KIAA0753: variants seen among roughly 807,000 people sequenced by gnomAD.
The protein encoded by KIAA0753 is KIAA0753.
A neutral mutation model predicts 116.9 loss-of-function variants in KIAA0753; 114 were observed. The ratio of observed to expected loss-of-function variants is 0.98; its 90% confidence interval spans 0.84 to 1.14. The LOEUF (loss-of-function observed/expected upper bound fraction) is 1.14. Ranked by LOEUF, KIAA0753 falls within the 50% of genes most tolerant of loss-of-function variation. The probability of loss-of-function intolerance (pLI) is 0.00; values close to 1 mark genes in which losing one functional copy is unlikely to be tolerated. For synonymous variants in KIAA0753, 405 were observed against 413.1 expected (o/e 0.98, Z 0.24); for missense variants, 1,156 against 1,172.4 (o/e 0.99, Z 0.20).
At chr17:6,593,855 A>C (rs942204916) in intron 16 of KIAA0753, among the ~76,000 whole-genome samples, 5 of 152,236 alleles carry the variant, frequency 3.3e-5, no homozygotes, top group Non-Finnish European at 5.9e-5. Flanking sequence ...ACTGCACTCC[A>C]GCCTGGGGAA....
In KIAA0753 at chr17:6,628,207, T is replaced by C. The variant is rs1971796740; in HGVS notation, c.628A>G (p.Ile210Val). Residue 210 changes from isoleucine (I) to valine (V), a missense_variant, in exon 3 of 19, where the codon ATA (isoleucine) becomes GTA (valine). Transcript: ENST00000361413. ...TCTAGCAGGCTTTTCTGTTCACTTATGTTTTTGTGGTCACCTATCCTGGGA... is the reference window on the plus strand; with the variant it reads ...TCTAGCAGGCTTTTCTGTTCACTTACGTTTTTGTGGTCACCTATCCTGGGA... ...PHPRIGDHKN[I>V]SEQKSLLEVQ... The C allele has an allele frequency of 6.8e-6, 11 of 1,614,260 alleles. No homozygotes were observed. In the East Asian group the frequency reaches 1.8e-4, roughly 26 times the overall value.
At chr17:6,587,756 T>C (rs937924944) in intron 18 of KIAA0753, among the ~76,000 whole-genome samples, 1 of 152,224 alleles carries the variant, frequency 6.6e-6, no homozygotes, top group Non-Finnish European at 1.5e-5. Flanking sequence ...AGGGTCAACC[T>C]GAGGGCCTAA....
At chr17:6,598,219 T>TCCTCTAGA (rs1969610799) in intron 14 of KIAA0753, among the ~76,000 whole-genome samples, 1 of 152,054 alleles carries the variant, frequency 6.6e-6, no homozygotes, top group Admixed American at 6.6e-5. Context: ...GCCTTACTAT[T>TCCTCTAGA]CCTCTAGAAA....
chr17:6,611,818 A>G, intron 8 of KIAA0753, 101 bp downstream of exon 8: 1 of 864,114 alleles, frequency 1.2e-6, no homozygotes. Flanking sequence ...GGACTGCAGC[A>G]TCCAATTGCC....
At chr17:6,598,050 T>C (rs897152169) in intron 14 of KIAA0753, among the ~76,000 whole-genome samples, 13 of 152,230 alleles carry the variant, frequency 8.5e-5, no homozygotes, top group African/African-American at 2.9e-4. Flanking sequence ...ATAAATTGTA[T>C]TAAACATCAT....
intron 4 of KIAA0753, chr17:6,624,022 A>G (rs1376684346): frequency 6.5e-6 from 1 of 153,042 alleles, no homozygotes; most frequent in African/African-American, 2.4e-5. Flanking sequence ...ATAGAACCCA[A>G]AAGAATACAC....
chr17:6,606,866 C>T lies in KIAA0753; in HGVS notation c.2009+7G>A. 2 of 1,611,306 alleles carry T rather than the reference C, an allele frequency of 1.2e-6. No homozygotes were observed. The highest frequency in any genetic ancestry group is 2.2e-5 in the South Asian group (2 of 91,014). Reference sequence around the variant, plus strand: ...TCCACTATTCTTCCTAAGAAGCAAACACATACCTCAATTGTTGGAGTCTAT... The same window carrying T: ...TCCACTATTCTTCCTAAGAAGCAAATACATACCTCAATTGTTGGAGTCTAT... On this transcript the variant is annotated splice_region_variant and intron_variant, in intron 12 of 18. Coordinates refer to ENST00000361413, the MANE Select transcript of KIAA0753 (RefSeq NM_014804.3).
intron 12 of KIAA0753, among the ~76,000 whole-genome samples, chr17:6,605,048 G>A: frequency 7.6e-6 from 1 of 131,278 alleles, no homozygotes. Flanking sequence ...AGGAGTCCAA[G>A]ACCAGCCTGG....
chr17:6,595,022 T>C lies in KIAA0753; in HGVS notation c.2390A>G (p.Asn797Ser). 1 of 1,612,368 alleles carries C rather than the reference T, an allele frequency of 6.2e-7. No homozygotes were observed. Among genetic ancestry groups the C allele is most frequent in the Non-Finnish European group, 8.5e-7 (1 of 1,178,904 alleles). ...KYQESVRQRY[N>S]KIAYADPRLW... ...TCGAGGATCAGCATATGCGATTTTA[T>C]TATATCTTTGACGAACAGACTCCTG... Residue 797 changes from asparagine (N) to serine (S), a missense_variant, in exon 16 of 19, where the codon AAT becomes AGT. Physicochemically the swap from Asn to Ser is conservative, Grantham distance 46. Transcript: ENST00000361413.
intron 7 of KIAA0753, among the ~76,000 whole-genome samples, chr17:6,613,960 T>C (rs1182600682): frequency 1.3e-5 from 2 of 152,146 alleles, no homozygotes; most frequent in East Asian, 1.9e-4. Context: ...ATAATTAACA[T>C]AGGACTAATA....
At chr17:6,595,578 C>A (rs374643865) in intron 15 of KIAA0753, among the ~76,000 whole-genome samples, 1 of 152,226 alleles carries the variant, frequency 6.6e-6, no homozygotes, top group African/African-American at 2.4e-5. Flanking sequence ...GAAAAGAAAA[C>A]GCTGAATTGA....
intron 7 of KIAA0753, among the ~76,000 whole-genome samples, chr17:6,620,587 A>C (rs1971247228): frequency 6.6e-6 from 1 of 152,156 alleles, no homozygotes; most frequent in African/African-American, 2.4e-5. Flanking sequence ...TAGCAAAGGA[A>C]ATGTTACTTT....
At chr17:6,598,355 A>T (rs1325737641) in intron 14 of KIAA0753, among the ~76,000 whole-genome samples, 1 of 152,234 alleles carries the variant, frequency 6.6e-6, no homozygotes, top group Non-Finnish European at 1.5e-5. Context: ...AGATTATGTC[A>T]TAAAACCTTG....
chr17:6,583,042 C>T (rs867961362), intron 18 of KIAA0753, among the ~76,000 whole-genome samples: 1 of 152,338 alleles, frequency 6.6e-6, no homozygotes, highest in East Asian at 1.9e-4. Context: ...ATATTTCTGA[C>T]CTTCCATCTG....
intron 14 of KIAA0753, among the ~76,000 whole-genome samples, chr17:6,598,794 C>G (rs977301581): frequency 6.6e-6 from 1 of 152,168 alleles, no homozygotes; most frequent in African/African-American, 2.4e-5. Context: ...CTCTGCTAGA[C>G]CAGATACTGG....
intron 12 of KIAA0753, among the ~76,000 whole-genome samples, chr17:6,605,516 C>T (rs2150811228): frequency 6.6e-6 from 1 of 152,326 alleles, no homozygotes; most frequent in South Asian, 2.1e-4. Context: ...AGGCTCTGTT[C>T]AACCTGTCTT....
Position 6,579,813 on chromosome 17 carries a change from A to C in KIAA0753, c.2838T>G (p.Leu946=). 6.2e-7 allele frequency: 1 copy of C among 1,614,008 alleles called. No homozygotes were observed. Among genetic ancestry groups the C allele is most frequent in the Non-Finnish European group, 8.5e-7 (1 of 1,180,004 alleles). Residue 946 remains leucine (L), a synonymous_variant, in exon 19 of 19, where the codon CTT becomes CTG. Coordinates refer to ENST00000361413, the MANE Select transcript of KIAA0753 (RefSeq NM_014804.3). ...CTGCATAATCTTCGCACATATCCTG[A>C]AGTTCAGCAGCCACAGCACCCAGAG... The part of the protein sequence containing the change: ...DEALGAVAAE[L]QDMCEDYAEA...
At chr17:6,640,455 T>TCCCCCCCCCCCCCC (rs1972601154) in intron 1 of KIAA0753, 182 bp downstream of exon 1, 1 of 121,088 alleles carries the variant, frequency 8.3e-6, no homozygotes, top group Non-Finnish European at 1.8e-5. Flanking sequence ...CCCTCACCCA[T>TCCCCCCCCCCCCCC]CCCACCCCCG....
At chr17:6,579,898 C>T (rs1029009031) in intron 18 of KIAA0753, 34 bp from the exon 19 acceptor site, 6 of 1,534,888 alleles carry the variant, frequency 3.9e-6, no homozygotes, top group African/African-American at 2.7e-5. Context: ...AAGGTATGTA[C>T]AAGGCCAGGC....
Sources: gnomAD v4.1 joint callset for allele counts (sites outside exome capture counted in the v4.1 genomes callset) on GRCh38, gnomAD v4.1.1 for gene constraint, MANE v1.5 for transcripts, NCBI Gene and HGNC (gene_info 2026-07-23, HGNC 2026-07-21) for gene names.